Variants in KIF16B observed in about 807,000 individuals in gnomAD.
The protein encoded by KIF16B is kinesin family member 16B, also known as kinesin-like protein KIF16B.
KIF16B carries 98 observed loss-of-function variants against 156.3 expected under a neutral mutation model. That is an observed-to-expected ratio of 0.63 (90% CI 0.53 to 0.74). The LOEUF (loss-of-function observed/expected upper bound fraction) is 0.74, where lower values mean the gene tolerates loss of function less well. KIF16B is among the 30% of genes least tolerant of loss of function. The pLI, the probability that KIF16B is intolerant of heterozygous loss-of-function variation, is 0.00. For synonymous variants in KIF16B, 564 were observed against 583.7 expected (o/e 0.97, Z 0.49); for missense variants, 1,421 against 1,606.5 (o/e 0.88, Z 1.97).
At chr20:16,431,319 G>A (rs761533720) in intron 12 of KIF16B, among the ~76,000 whole-genome samples, 27 of 152,160 alleles carry the variant, frequency 1.8e-4, no homozygotes, top group Admixed American at 5.2e-4. Context: ...ATTTCAGTGA[G>A]ACAAAAGCCA....
chr20:16,421,479 C>A (rs1235796846), intron 15 of KIF16B, among the ~76,000 whole-genome samples: 1 of 152,040 alleles, frequency 6.6e-6, no homozygotes, highest in African/African-American at 2.4e-5. Flanking sequence ...ATTTTCATAA[C>A]CAGAAACACT....
At chr20:16,435,475 C>G (rs1198559641) in intron 12 of KIF16B, among the ~76,000 whole-genome samples, 1 of 152,170 alleles carries the variant, frequency 6.6e-6, no homozygotes, top group African/African-American at 2.4e-5. Context: ...AATTCAATGG[C>G]TTAATTAGGA....
intron 12 of KIF16B, among the ~76,000 whole-genome samples, chr20:16,445,942 T>C (rs1361023283): frequency 6.6e-6 from 1 of 152,194 alleles, no homozygotes; most frequent in Non-Finnish European, 1.5e-5. Context: ...ACAGAAAAGT[T>C]AGTGTGTGAT....
intron 13 of KIF16B, among the ~76,000 whole-genome samples, chr20:16,429,537 G>A (rs962346046): frequency 1.3e-5 from 2 of 152,094 alleles, no homozygotes; most frequent in African/African-American, 4.8e-5. Flanking sequence ...CCAGGAAACT[G>A]TACATACAAC....
intron 22 of KIF16B, chr20:16,366,795 G>A (rs1202164166): frequency 9.7e-7 from 1 of 1,026,622 alleles, no homozygotes; most frequent in East Asian, 8.9e-5. Flanking sequence ...GAATCCAGTA[G>A]GCACAGACAG....
chr20:16,301,532 C>T lies in KIF16B; in HGVS notation c.3795+10803G>A, dbSNP rs143614222. On this transcript the variant is annotated intron_variant, in intron 25 of 25. Transcript: ENST00000354981. ...TCCAGCTTTTGGCCATTCTATCAGG[C>T]GTATGGTGGTATCTTGTTTTCATTT... Among the ~76,000 whole-genome samples the T allele has an allele frequency of 3.3e-4, 50 of 152,266 alleles. No homozygotes were observed. In the East Asian group the frequency reaches 8.5e-3, roughly 26 times the overall value.
intron 25 of KIF16B, among the ~76,000 whole-genome samples, chr20:16,296,363 A>C (rs1214896261): frequency 1.3e-5 from 2 of 152,224 alleles, no homozygotes; most frequent in Non-Finnish European, 2.9e-5. Flanking sequence ...TGGAGAGGAG[A>C]AACAACCCTC....
chr20:16,413,359 A>T (rs1336438880), intron 15 of KIF16B, among the ~76,000 whole-genome samples: 2 of 152,124 alleles, frequency 1.3e-5, no homozygotes, highest in Non-Finnish European at 2.9e-5. Flanking sequence ...AGCTGACAGA[A>T]GTAAATCTGC....
intron 6 of KIF16B, among the ~76,000 whole-genome samples, chr20:16,508,970 C>G (rs561386684): frequency 6.6e-6 from 1 of 152,252 alleles, no homozygotes; most frequent in East Asian, 1.9e-4. Context: ...TGCTATAGCT[C>G]CCCACTTCCC....
intron 12 of KIF16B, among the ~76,000 whole-genome samples, chr20:16,479,946 A>G (rs68182150): frequency 0.057 from 8,672 of 152,262 alleles, 269 homozygotes; most frequent in African/African-American, 0.083. Flanking sequence ...AGACTAAACA[A>G]CACTAAGCTT....
intron 12 of KIF16B, among the ~76,000 whole-genome samples, chr20:16,439,932 T>C (rs2066748256): frequency 6.6e-6 from 1 of 152,114 alleles, no homozygotes. Context: ...CAAGATGAGA[T>C]TTGGGTGGAG....
At chr20:16,414,703 C>T (rs1389191849) in intron 15 of KIF16B, among the ~76,000 whole-genome samples, 4 of 152,086 alleles carry the variant, frequency 2.6e-5, no homozygotes, top group Non-Finnish European at 1.5e-5. Flanking sequence ...CAGTCCCATA[C>T]CCAAAGACAT....
chr20:16,273,172 T>G lies in KIF16B; in HGVS notation c.*81A>C. ...AGCAGGAGGAGGCAGACCCGGATCC[T>G]CGCATGGGGGAGCTGCCCTGCATCG... On this transcript the variant is annotated 3_prime_UTR_variant, in exon 26 of 26. Transcript: ENST00000354981. 4.0e-6 allele frequency: 5 copies of G among 1,252,744 alleles called. No individual in the cohort carries two copies. The highest frequency in any genetic ancestry group is 4.6e-6 in the Non-Finnish European group (4 of 865,270). The allele number at this position is 1,252,744 out of a possible 1,614,324, so 77.6% of individuals were successfully genotyped here. A position where few individuals can be genotyped will look rare whatever the true frequency, so the allele number is the denominator to read the frequency against.
rs1340769412 is a variant in KIF16B at position 16,272,722 on chromosome 20, A to C, written c.*531T>G. 1 of 152,884 alleles carries C rather than the reference A, an allele frequency of 6.5e-6. No homozygotes were observed. The highest frequency in any genetic ancestry group is 1.5e-5 in the Non-Finnish European group (1 of 68,212). 9.5% of individuals were successfully genotyped at this position (152,884 alleles called of 1,614,324 possible). A position where few individuals can be genotyped will look rare whatever the true frequency, so the allele number is the denominator to read the frequency against. On this transcript the variant is annotated 3_prime_UTR_variant, in exon 26 of 26. Transcript: ENST00000354981. ...AACATCAGTGTTTGGGTTTTATATA[A>C]AAGTTCTGATTCAAATGAGGGAAAA...
At chr20:16,368,224 G>C (rs1374524394) in intron 22 of KIF16B, 1 of 1,012,560 alleles carries the variant, frequency 9.9e-7, no homozygotes, top group Non-Finnish European at 1.2e-6. Context: ...GCTCTTTCTA[G>C]CATCTTCATA....
intron 17 of KIF16B, chr20:16,382,143 T>TGG (rs2065112122): frequency 7.5e-7 from 1 of 1,342,024 alleles, no homozygotes; most frequent in African/African-American, 1.5e-5. Flanking sequence ...GCCAGGGAGG[T>TGG]GGAGAGAGAG....
intron 22 of KIF16B, among the ~76,000 whole-genome samples, chr20:16,359,726 T>C (rs923143920): frequency 1.1e-4 from 16 of 151,904 alleles, no homozygotes; most frequent in Non-Finnish European, 7.4e-5. Flanking sequence ...GGACCAGGTA[T>C]TTGAGAATGA....
chr20:16,280,444 A>T (rs2063127649), intron 25 of KIF16B, among the ~76,000 whole-genome samples: 2 of 152,350 alleles, frequency 1.3e-5, no homozygotes, highest in South Asian at 4.1e-4. Context: ...CTGTGCAAGG[A>T]TCTGGGTGGG....
intron 1 of KIF16B, among the ~76,000 whole-genome samples, chr20:16,567,439 T>C (rs2071293742): frequency 6.6e-6 from 1 of 152,200 alleles, no homozygotes; most frequent in Non-Finnish European, 1.5e-5. Context: ...ACACAGATTC[T>C]ATTGTTATTT....
Sources: gnomAD v4.1 joint callset for allele counts (sites outside exome capture counted in the v4.1 genomes callset) on GRCh38, gnomAD v4.1.1 for gene constraint, MANE v1.5 for transcripts, NCBI Gene and HGNC (gene_info 2026-07-23, HGNC 2026-07-21) for gene names.